E2F7: variants seen among roughly 807,000 people sequenced by gnomAD.
The protein encoded by E2F7 is E2F transcription factor 7, also known as transcription factor E2F7.
A neutral mutation model predicts 81.1 loss-of-function variants in E2F7; 35 were observed. That is an observed-to-expected ratio of 0.43 (90% CI 0.33 to 0.57). The LOEUF is 0.57. Among genes scored for constraint, E2F7 ranks in the 20% least tolerant of loss-of-function variants. E2F7 has a pLI of 0.04. For synonymous variants in E2F7, 416 were observed against 416.2 expected (o/e 1.00, Z 0.01); for missense variants, 961 against 1,093.7 (o/e 0.88, Z 1.71).
At position 77,025,670 on chromosome 12, in the gene E2F7, C is replaced by T; in HGVS notation, c.2453G>A (p.Ser818Asn). ...TGGACTTAGGTTTAGTGAGGGCTGA[C>T]TCTGAAGCTGAGGGTCTGCAGAAGG... ...TLPSADPQLQ[S>N]QPSLNLSPVM... The change falls in exon 12 of 13, where the codon AGT (serine) becomes AAT (asparagine). Residue 818 changes from serine to asparagine, a missense_variant. Ser to Asn is a conservative substitution (Grantham distance 46). This residue lies in a region of E2F7 where 587 missense variants were observed against 620.3 expected (regional missense o/e 0.95). Coordinates refer to ENST00000322886, the MANE Select transcript of E2F7 (RefSeq NM_203394.3). 1 of 1,614,162 alleles carries T rather than the reference C, an allele frequency of 6.2e-7. No homozygotes were observed. Among genetic ancestry groups the T allele is most frequent in the Non-Finnish European group, 8.5e-7 (1 of 1,180,030 alleles).
At chr12:77,031,168 A>G (rs929019015) in intron 9 of E2F7, among the ~76,000 whole-genome samples, 2 of 152,156 alleles carry the variant, frequency 1.3e-5, no homozygotes, top group Non-Finnish European at 2.9e-5. Context: ...GGCTGCAGTG[A>G]GCTACGATCA....
rs771014334 is a variant in E2F7, at chr12:77,030,146, A to T, written c.1569T>A (p.Asp523Glu). 16 of 1,614,198 alleles carry T rather than the reference A, an allele frequency of 9.9e-6. No homozygotes were observed. Among genetic ancestry groups the T allele is most frequent in the Middle Eastern group, 1.6e-4 (1 of 6,062 alleles). ...SMQNGLNGQV[D>E]VSLASAASAV... ...CAGAGGCTGCAGAAGCAAGTGAGAC[A>T]TCCACTTGTCCATTCAGACCGTTCT... The change falls in exon 10 of 13, where the codon GAT becomes GAA. Residue 523 changes from aspartate (D) to glutamate (E), a missense_variant. Transcript: ENST00000322886.
At chr12:77,044,998 T>C (rs1417435793) in intron 5 of E2F7, among the ~76,000 whole-genome samples, 2 of 152,190 alleles carry the variant, frequency 1.3e-5, no homozygotes, top group Non-Finnish European at 2.9e-5. Context: ...AAAATTACTC[T>C]ACAGTAGGCA....
At chr12:77,044,279 A>G (rs1441573425) in intron 6 of E2F7, 2 of 463,038 alleles carry the variant, frequency 4.3e-6, no homozygotes, top group Non-Finnish European at 8.6e-6. Flanking sequence ...CCTTCAGAAG[A>G]GTATGCAGGG....
intron 9 of E2F7, among the ~76,000 whole-genome samples, chr12:77,031,302 T>G (rs1397782857): frequency 6.6e-6 from 1 of 152,192 alleles, no homozygotes; most frequent in Non-Finnish European, 1.5e-5. Context: ...CATGTTTATG[T>G]TCTTAGTATA....
At chr12:77,030,452 A>G (rs1389383518) in intron 9 of E2F7, 120 bp from the exon 10 acceptor site, 1 of 1,284,310 alleles carries the variant, frequency 7.8e-7, no homozygotes, top group Non-Finnish European at 1.1e-6. Context: ...CAGATACGAA[A>G]GCGCACTTGC....
Position 77,055,841 on chromosome 12 carries a change from C to T in E2F7, c.369+14G>A. On this transcript the variant is annotated intron_variant, in intron 3 of 12. Transcript: ENST00000322886. ...TAAGTTCTAAAAAATCCCTGAGGAG[C>T]ACAGTCTGTTTACCTGTAGAGAATC... 6.3e-7 allele frequency: 1 copy of T among 1,574,892 alleles called. No individual in the cohort carries two copies. The highest frequency in any genetic ancestry group is 8.6e-7 in the Non-Finnish European group (1 of 1,162,906).
intron 3 of E2F7, among the ~76,000 whole-genome samples, chr12:77,051,601 C>T (rs147077246): frequency 1.3e-5 from 2 of 152,194 alleles, no homozygotes; most frequent in East Asian, 1.9e-4. Context: ...CAAACCTGCA[C>T]ACTGTGCACA....
intron 3 of E2F7, among the ~76,000 whole-genome samples, chr12:77,055,336 G>A (rs1311394305): frequency 6.6e-6 from 1 of 151,212 alleles, no homozygotes; most frequent in African/African-American, 2.4e-5. Flanking sequence ...AAAGCTTGAT[G>A]GGAAGTGAAA....
At chr12:77,050,396 G>C (rs1954976895) in intron 4 of E2F7, among the ~76,000 whole-genome samples, 180 bp downstream of exon 4, 2 of 152,170 alleles carry the variant, frequency 1.3e-5, no homozygotes, top group East Asian at 3.9e-4. Flanking sequence ...GGTCTAAAAG[G>C]CTCCCTGAAA....
In E2F7 at chr12:77,028,146, C is replaced by A; in HGVS notation, c.1885-8G>T. 1.3e-6 allele frequency: 2 copies of A among 1,596,700 alleles called. No individual in the cohort carries two copies. The highest frequency in any genetic ancestry group is 8.5e-7 in the Non-Finnish European group (1 of 1,173,556). On this transcript the variant is annotated splice_polypyrimidine_tract_variant and splice_region_variant and intron_variant, in intron 10 of 12. Coordinates refer to ENST00000322886, the MANE Select transcript of E2F7 (RefSeq NM_203394.3). ...TGTGGAATCTGAGGGTTTCTAAACA[C>A]AACCAAACCAGGAAGCAAGAAAGTA...
chr12:77,054,350 T>C (rs1955014152), intron 3 of E2F7, among the ~76,000 whole-genome samples: 1 of 151,978 alleles, frequency 6.6e-6, no homozygotes, highest in Non-Finnish European at 1.5e-5. Context: ...AAAAAATCAA[T>C]TGTATTTGTA....
rs906006412 is a variant in E2F7, at chr12:77,042,964, T to C, written c.1123+101A>G. On this transcript the variant is annotated intron_variant, in intron 7 of 12. Coordinates refer to ENST00000322886, the MANE Select transcript of E2F7 (RefSeq NM_203394.3). ...TCACTAGTCTATTTTGTATGTGACA[T>C]GGGAAAAAGATCAGTCTCACTGTGT... is the stretch of plus-strand genomic sequence containing the variant. 5.8e-6 allele frequency: 9 copies of C among 1,553,424 alleles called. No homozygotes were observed. In the East Asian group the frequency reaches 6.8e-5, roughly 12 times the overall value.
At chr12:77,027,367 C>G (rs1565893884) in intron 11 of E2F7, among the ~76,000 whole-genome samples, 1 of 152,168 alleles carries the variant, frequency 6.6e-6, no homozygotes, top group African/African-American at 2.4e-5. Flanking sequence ...AAATTTAATT[C>G]AATTTTCACA....
intron 10 of E2F7, among the ~76,000 whole-genome samples, chr12:77,028,856 G>A (rs1378779569): frequency 6.6e-6 from 1 of 152,188 alleles, no homozygotes; most frequent in Non-Finnish European, 1.5e-5. Flanking sequence ...ACTGATTTGT[G>A]TATGTCAGAG....
chr12:77,042,607 A>C (rs941646991), intron 7 of E2F7, among the ~76,000 whole-genome samples: 4 of 152,198 alleles, frequency 2.6e-5, no homozygotes, highest in African/African-American at 9.6e-5. Flanking sequence ...TTTAGATGCA[A>C]TCTTAACCAC....
At chr12:77,051,237 C>A (rs960173356) in intron 3 of E2F7, among the ~76,000 whole-genome samples, 1 of 152,130 alleles carries the variant, frequency 6.6e-6, no homozygotes, top group Non-Finnish European at 1.5e-5. Context: ...TGAAGGCAGT[C>A]CAATCATATT....
Position 77,043,206 on chromosome 12 carries a change from G to C in E2F7, c.989-7C>G, listed in dbSNP as rs1954908583. The C allele has an allele frequency of 6.2e-7, 1 of 1,614,012 alleles. No individual in the cohort carries two copies. Among genetic ancestry groups the C allele is most frequent in the East Asian group, 2.2e-5 (1 of 44,848 alleles). ...TAGAGGCGTCGTACCTTTGCTTGAA[G>C]ATATAAAACACGATTACGGTCATGC... On this transcript the variant is annotated splice_polypyrimidine_tract_variant and splice_region_variant and intron_variant, in intron 6 of 12. Transcript: ENST00000322886.
intron 7 of E2F7, among the ~76,000 whole-genome samples, chr12:77,037,868 T>A (rs1214900054): frequency 6.6e-6 from 1 of 152,076 alleles, no homozygotes; most frequent in Non-Finnish European, 1.5e-5. Context: ...GCATAAATGG[T>A]CAGATTAGAT....
Sources: allele counts gnomAD v4.1 joint callset (sites outside exome capture counted in the v4.1 genomes callset), GRCh38; gene constraint gnomAD v4.1.1; regional missense constraint gnomAD v4.1.1; transcripts MANE v1.5; gene names NCBI Gene and HGNC (gene_info 2026-07-23, HGNC 2026-07-21).